RASA2: variants seen among roughly 807,000 people sequenced by gnomAD.
RASA2 encodes the protein ras GTPase-activating protein 2.
Under a neutral mutation model 118.2 loss-of-function variants are expected in RASA2, and 155 were observed. That is an observed-to-expected ratio of 1.31 (90% CI 1.15 to 1.50). The LOEUF is 1.50. RASA2 is among the 40% of genes most tolerant of loss of function. RASA2 has a pLI of 0.00. For missense variants in RASA2, 1,016 were observed against 1,009.6 expected, an observed-to-expected ratio of 1.01 and a Z score of -0.09; for synonymous variants, 353 against 349.1, an observed-to-expected ratio of 1.01 and a Z score of -0.12.
At chr3:141,548,662 G>A (rs1272880680) in intron 5 of RASA2, among the ~76,000 whole-genome samples, 1 of 151,992 alleles carries the variant, frequency 6.6e-6, no homozygotes, top group African/African-American at 2.4e-5. Context: ...GCTGGACTTT[G>A]GTTTTGGGGG....
At chr3:141,550,748 C>G (rs1369167820) in intron 5 of RASA2, among the ~76,000 whole-genome samples, 1 of 152,112 alleles carries the variant, frequency 6.6e-6, no homozygotes, top group Non-Finnish European at 1.5e-5. Flanking sequence ...AACTGAAGTA[C>G]AGGGAGGCTG....
intron 4 of RASA2, among the ~76,000 whole-genome samples, chr3:141,537,481 A>C (rs375539972): frequency 6.6e-6 from 1 of 151,998 alleles, no homozygotes; most frequent in Non-Finnish European, 1.5e-5. Context: ...AAAAATAGCT[A>C]TTTTAGGCTG....
chr3:141,549,494 T>TGC (rs149419256), intron 5 of RASA2, among the ~76,000 whole-genome samples: 1 of 151,332 alleles, frequency 6.6e-6, no homozygotes, highest in African/African-American at 2.4e-5. Context: ...CGTGTGTGTG[T>TGC]GTGTGTGTGT....
intron 14 of RASA2, among the ~76,000 whole-genome samples, chr3:141,576,232 C>G (rs144156096): frequency 0.012 from 1,799 of 152,190 alleles, 22 homozygotes; most frequent in Non-Finnish European, 0.015. Flanking sequence ...GTTGTTCTTA[C>G]TACCCTAGAA....
intron 19 of RASA2, 133 bp downstream of exon 19, chr3:141,586,885 G>A (rs757635382): frequency 4.0e-5 from 30 of 750,104 alleles, no homozygotes; most frequent in South Asian, 3.7e-4. Context: ...TGATACATAC[G>A]TACTAAGAAT....
chr3:141,531,314 C>G (rs1231626444), intron 4 of RASA2, among the ~76,000 whole-genome samples: 1 of 151,680 alleles, frequency 6.6e-6, no homozygotes, highest in African/African-American at 2.4e-5. Flanking sequence ...AGTTCCAGCT[C>G]TCAAAAGGTA....
chr3:141,497,311 TAA>T (rs1233714060), intron 1 of RASA2, among the ~76,000 whole-genome samples: 2 of 138,844 alleles, frequency 1.4e-5, no homozygotes, highest in Non-Finnish European at 3.2e-5. Flanking sequence ...CCCTAAAACG[TAA>T]AGTATAATAA....
Position 141,581,177 on chromosome 3 carries a change from G to C in RASA2, c.1752G>C (p.Lys584Asn). 1 of 1,488,004 alleles carries C rather than the reference G, an allele frequency of 6.7e-7. No individual in the cohort carries two copies. Among genetic ancestry groups the C allele is most frequent in the Non-Finnish European group, 8.9e-7 (1 of 1,122,250 alleles). The allele number at this position is 1,488,004 out of a possible 1,614,324, so 92.2% of individuals were successfully genotyped here. ...AAGGATATATTATAGCAGTTAAAAA[G>C]GTATGATGGTTTTATTCTGGAATTG... Reference protein sequence around the residue: ...QEEGYIIAVKKFLDEISSTET... With the variant: ...QEEGYIIAVKNFLDEISSTET... The change falls in exon 17 of 24, where the codon AAG becomes AAC. Residue 584 changes from lysine to asparagine, a missense_variant and splice_region_variant. Lys to Asn is a moderately conservative substitution (Grantham distance 94). Transcript: ENST00000286364.
intron 2 of RASA2, among the ~76,000 whole-genome samples, chr3:141,514,104 TAA>T (rs2081990364): frequency 6.6e-6 from 1 of 152,152 alleles, no homozygotes; most frequent in African/African-American, 2.4e-5. Flanking sequence ...TCCTTTTCTT[TAA>T]AAGACACTGT....
intron 19 of RASA2, 132 bp downstream of exon 19, chr3:141,586,884 C>A: frequency 2.7e-6 from 2 of 752,752 alleles, no homozygotes; most frequent in Non-Finnish European, 4.7e-6. Context: ...CTGATACATA[C>A]GTACTAAGAA....
At chr3:141,585,765 A>G (rs1273348302) in intron 17 of RASA2, among the ~76,000 whole-genome samples, 1 of 152,188 alleles carries the variant, frequency 6.6e-6, no homozygotes, top group Non-Finnish European at 1.5e-5. Context: ...GCACCACTGC[A>G]CTCCAGCCTG....
intron 19 of RASA2, among the ~76,000 whole-genome samples, chr3:141,587,493 C>G (rs1276333474): frequency 6.6e-6 from 1 of 152,076 alleles, no homozygotes; most frequent in Non-Finnish European, 1.5e-5. Context: ...GGGAGGATTA[C>G]TTGAGGTCAG....
Position 141,529,858 on chromosome 3 carries a change from T to C in RASA2, c.450+56T>C, listed in dbSNP as rs981252951. The C allele has an allele frequency of 4.5e-6, 6 of 1,343,236 alleles. No homozygotes were observed. In the African/African-American group the frequency reaches 8.8e-5, roughly 20 times the overall value. The allele number at this position is 1,343,236 out of a possible 1,614,324, so 83.2% of individuals were successfully genotyped here. A position where few individuals can be genotyped will look rare whatever the true frequency, so the allele number is the denominator to read the frequency against. On this transcript the variant is annotated intron_variant, in intron 4 of 23. Transcript: ENST00000286364. ...ATTGTCACAGGAAATGAGTAAAAAA[T>C]GAACTAATTAAACTGGTTCATGTAA...
intron 3 of RASA2, among the ~76,000 whole-genome samples, chr3:141,516,779 TG>T (rs1241765542): frequency 3.3e-5 from 5 of 150,296 alleles, no homozygotes; most frequent in African/African-American, 1.2e-4. Flanking sequence ...ACTCTTTTTT[TG>T]TTTTTTTTTT....
intron 7 of RASA2, among the ~76,000 whole-genome samples, chr3:141,557,059 C>T (rs1476658991): frequency 6.6e-6 from 1 of 152,178 alleles, no homozygotes; most frequent in Admixed American, 6.5e-5. Flanking sequence ...ACTCACACTC[C>T]CCATTAGCCC....
chr3:141,543,501 A>G (rs2082435596), intron 5 of RASA2, among the ~76,000 whole-genome samples: 1 of 152,128 alleles, frequency 6.6e-6, no homozygotes, highest in Non-Finnish European at 1.5e-5. Flanking sequence ...TGCCCTTTCC[A>G]TGTTATTTTT....
chr3:141,520,826 T>C (rs545727422), intron 3 of RASA2, among the ~76,000 whole-genome samples: 97 of 152,278 alleles, frequency 6.4e-4, no homozygotes, highest in African/African-American at 2.3e-3. Flanking sequence ...AGGGAGCGGT[T>C]AGAGGCAGGA....
At chr3:141,546,456 T>C (rs2082487026) in intron 5 of RASA2, among the ~76,000 whole-genome samples, 3 of 152,238 alleles carry the variant, frequency 2.0e-5, no homozygotes, top group Non-Finnish European at 4.4e-5. Context: ...TTGAGCACCT[T>C]TTCATAAATT....
At chr3:141,610,429 A>C (rs2083627867) in intron 23 of RASA2, among the ~76,000 whole-genome samples, 1 of 107,284 alleles carries the variant, frequency 9.3e-6, no homozygotes, top group African/African-American at 4.4e-5. Context: ...TATATATTAT[A>C]TATTTATATT....
Sources: allele counts gnomAD v4.1 joint callset (sites outside exome capture counted in the v4.1 genomes callset), GRCh38; gene constraint gnomAD v4.1.1; transcripts MANE v1.5; gene names NCBI Gene and HGNC (gene_info 2026-07-23, HGNC 2026-07-21).